Variants in DNAH11 observed in about 807,000 individuals in gnomAD.
DNAH11 encodes the protein axonemal beta dynein heavy chain 11.
In DNAH11, 442 loss-of-function variants were observed where a neutral mutation model predicts 526.0. The ratio of observed to expected loss-of-function variants is 0.84; its 90% CI spans 0.78 to 0.91. The LOEUF is 0.91. Among genes scored for constraint, DNAH11 ranks in the 40% least tolerant of loss-of-function variants. DNAH11 has a pLI of 0.00. For synonymous variants in DNAH11, 2,461 were observed against 1,935.9 expected, an observed-to-expected ratio of 1.27 and a Z score of -7.12; for missense variants, 6,989 against 5,448.7, an observed-to-expected ratio of 1.28 and a Z score of -8.90.
chr7:21,698,562 T>TA (rs1316306224), intron 36 of DNAH11, among the ~76,000 whole-genome samples: 2 of 152,196 alleles, frequency 1.3e-5, no homozygotes, highest in East Asian at 3.8e-4. Flanking sequence ...AGTGAGAACA[T>TA]ACGATATTTG....
At chr7:21,772,093 G>C (rs1007158721) in intron 55 of DNAH11, among the ~76,000 whole-genome samples, 2 of 152,172 alleles carry the variant, frequency 1.3e-5, no homozygotes, top group Non-Finnish European at 2.9e-5. Context: ...CTGAAAAACA[G>C]TGTGAATTAC....
chr7:21,604,586 G>A (rs986631628), intron 18 of DNAH11, among the ~76,000 whole-genome samples: 6 of 152,088 alleles, frequency 3.9e-5, no homozygotes, highest in African/African-American at 1.4e-4. Flanking sequence ...TAGTCATTTC[G>A]TTGAGCCTCA....
chr7:21,691,009 C>G (rs1250916516), intron 35 of DNAH11, 128 bp downstream of exon 35: 3 of 675,010 alleles, frequency 4.4e-6, no homozygotes, highest in Non-Finnish European at 7.7e-6. Flanking sequence ...TTTCCTTGGG[C>G]TCCTTTTATA....
chr7:21,672,184 C>G (rs185960863), intron 30 of DNAH11, among the ~76,000 whole-genome samples: 21 of 152,248 alleles, frequency 1.4e-4, no homozygotes, highest in African/African-American at 3.9e-4. Flanking sequence ...AGTATTATGT[C>G]TTGTTAGAAA....
intron 2 of DNAH11, among the ~76,000 whole-genome samples, chr7:21,553,786 T>C (rs1346695329): frequency 6.6e-6 from 1 of 152,200 alleles, no homozygotes; most frequent in Non-Finnish European, 1.5e-5. Flanking sequence ...GATTACCTCT[T>C]CCACAGTGGA....
intron 13 of DNAH11, 33 bp from the exon 14 acceptor site, chr7:21,591,152 G>T: frequency 6.6e-7 from 1 of 1,523,152 alleles, no homozygotes; most frequent in Non-Finnish European, 8.7e-7. Flanking sequence ...TAACATATTT[G>T]GCACTTTTTG....
chr7:21,681,887 T>C (rs1783155732), intron 31 of DNAH11, among the ~76,000 whole-genome samples: 18 of 152,170 alleles, frequency 1.2e-4, no homozygotes, highest in Admixed American at 1.1e-3. Context: ...TCCCAAAAGG[T>C]TTTGCCAAGT....
chr7:21,615,424 A>G lies in DNAH11; in HGVS notation c.4011+152A>G, dbSNP rs17144792. Among the ~76,000 whole-genome samples, 1,697 of 152,234 alleles carry G rather than the reference A, an allele frequency of 0.011. 21 individuals are homozygous for G. The highest frequency in any genetic ancestry group is 0.038 in the African/African-American group (1,590 of 41,564). On this transcript the variant is annotated intron_variant, in intron 21 of 81. Coordinates refer to ENST00000409508, the MANE Select transcript of DNAH11 (RefSeq NM_001277115.2). ...CCCAGCCCCAAATTAGAGTTCATGT[A>G]TCTCTGTTAGTGGATGATTCTTCTT...
intron 65 of DNAH11, among the ~76,000 whole-genome samples, chr7:21,828,920 T>C (rs1164904741): frequency 6.6e-6 from 1 of 152,130 alleles, no homozygotes; most frequent in Non-Finnish European, 1.5e-5. Context: ...TTAACTCATT[T>C]CTATTCAGGG....
At chr7:21,748,501 A>G in intron 51 of DNAH11, 79 bp from the exon 52 acceptor site, 18 of 1,289,848 alleles carry the variant, frequency 1.4e-5, no homozygotes, top group Non-Finnish European at 1.8e-5. Context: ...AAGCAAATAA[A>G]TAAATAAAAA....
chr7:21,862,805 C>T (rs1336625175), intron 69 of DNAH11, among the ~76,000 whole-genome samples: 4 of 152,152 alleles, frequency 2.6e-5, no homozygotes, highest in East Asian at 1.9e-4. Context: ...TGGCCGGGCA[C>T]GGTGGCTCAC....
intron 18 of DNAH11, among the ~76,000 whole-genome samples, chr7:21,605,116 A>G (rs1306157045): frequency 6.6e-6 from 1 of 152,204 alleles, no homozygotes; most frequent in Non-Finnish European, 1.5e-5. Flanking sequence ...ACAATTTGAG[A>G]GAATGTTTTA....
intron 66 of DNAH11, among the ~76,000 whole-genome samples, chr7:21,845,535 CA>C (rs1656135641): frequency 1.3e-5 from 2 of 152,130 alleles, no homozygotes; most frequent in South Asian, 4.2e-4. Flanking sequence ...ATGAATAGAT[CA>C]GTTGGATCTA....
At chr7:21,546,134 A>G (rs1782795914) in intron 2 of DNAH11, among the ~76,000 whole-genome samples, 1 of 152,212 alleles carries the variant, frequency 6.6e-6, no homozygotes, top group Non-Finnish European at 1.5e-5. Flanking sequence ...AAGGTAGGAA[A>G]AATGCTGACA....
At chr7:21,763,174 T>C (rs536884155) in intron 54 of DNAH11, among the ~76,000 whole-genome samples, 1 of 151,618 alleles carries the variant, frequency 6.6e-6, no homozygotes, top group Non-Finnish European at 1.5e-5. Flanking sequence ...AAACCCTGTC[T>C]CTACTAAAAA....
At chr7:21,603,527 T>C (rs978155196) in intron 18 of DNAH11, among the ~76,000 whole-genome samples, 1 of 152,222 alleles carries the variant, frequency 6.6e-6, no homozygotes, top group East Asian at 1.9e-4. Context: ...GTCATTTTGC[T>C]TTGTGAGGAT....
chr7:21,854,826 A>G (rs1782773750), intron 68 of DNAH11, among the ~76,000 whole-genome samples: 1 of 152,094 alleles, frequency 6.6e-6, no homozygotes, highest in South Asian at 2.1e-4. Context: ...TACAGGCGTG[A>G]ACCACCGCGC....
chr7:21,630,809 G>C (rs1264095314), intron 25 of DNAH11, among the ~76,000 whole-genome samples: 1 of 151,670 alleles, frequency 6.6e-6, no homozygotes, highest in Admixed American at 6.6e-5. Flanking sequence ...GTATTATTTG[G>C]GTCAGTTCTA....
At chr7:21,746,380 G>A (rs1786153307) in intron 51 of DNAH11, among the ~76,000 whole-genome samples, 1 of 152,118 alleles carries the variant, frequency 6.6e-6, no homozygotes, top group African/African-American at 2.4e-5. Context: ...GAGGCAGGAG[G>A]ATCACTTGAG....
Sources: gnomAD v4.1 joint callset for allele counts (sites outside exome capture counted in the v4.1 genomes callset) on GRCh38, gnomAD v4.1.1 for gene constraint, MANE v1.5 for transcripts, NCBI Gene and HGNC (gene_info 2026-07-23, HGNC 2026-07-21) for gene names.